The following ARRDC5 variants were observed in gnomAD, a reference collection of about 807,000 sequenced individuals.
ARRDC5 encodes arrestin domain containing 5, also known as arrestin domain-containing protein 5.
Under a neutral mutation model 13.3 loss-of-function variants are expected in ARRDC5, and 12 were observed. The observed-to-expected ratio is 0.90, with a 90% CI of 0.58 to 1.46. The LOEUF is 1.46. Ranked by LOEUF, ARRDC5 falls within the 40% of genes most tolerant of loss-of-function variation. ARRDC5 has a pLI of 0.00. For missense variants in ARRDC5, 406 were observed against 418.7 expected (o/e 0.97, Z 0.26); for synonymous variants, 181 against 173.4 (o/e 1.04, Z -0.34).
chr19:4,909,301 G>A, the ARRDC5 span: 6 of 542,086 alleles, frequency 1.1e-5, no homozygotes, highest in Admixed American at 3.9e-5. Flanking sequence ...CACGCTGGGC[G>A]CGCCCAGCAG....
upstream of ARRDC5, chr19:4,903,029 C>CTTTTTCACTCGTTCT (rs57469214): frequency 1.2e-3 from 524 of 448,996 alleles, 3 homozygotes; most frequent in African/African-American, 0.011. Flanking sequence ...CTCACTGGTT[C>CTTTTTCACTCGTTCT]TTTTTTTTTT....
intron 1 of ARRDC5, among the ~76,000 whole-genome samples, chr19:4,900,309 G>C (rs546033532): frequency 6.6e-6 from 1 of 151,634 alleles, no homozygotes; most frequent in African/African-American, 2.4e-5. Context: ...GTAGAGACGG[G>C]GTTTCACCAT....
At chr19:4,893,109 A>AATAT (rs199780403) in intron 2 of ARRDC5, among the ~76,000 whole-genome samples, 1 of 139,552 alleles carries the variant, frequency 7.2e-6, no homozygotes, top group Non-Finnish European at 1.5e-5. Context: ...CTCAAAAATA[A>AATAT]ATATATATAT....
chr19:4,910,723 C>G, the ARRDC5 span: 1 of 801,562 alleles, frequency 1.2e-6, no homozygotes, highest in Non-Finnish European at 1.9e-6. Context: ...CTGGTCCTGG[C>G]CAGGGTCTGG....
upstream of ARRDC5, among the ~76,000 whole-genome samples, chr19:4,904,696 T>C (rs2032029341): frequency 6.6e-6 from 1 of 152,224 alleles, no homozygotes; most frequent in South Asian, 2.1e-4. Context: ...GTGAACTTTG[T>C]GCCCATCAAT....
chr19:4,893,181 T>A (rs2031574223), intron 2 of ARRDC5, among the ~76,000 whole-genome samples: 1 of 141,444 alleles, frequency 7.1e-6, no homozygotes, highest in Admixed American at 7.8e-5. Context: ...ATATATAATA[T>A]ATTATAATAA....
Position 4,891,171 on chromosome 19 carries a change from G to A in ARRDC5, c.862C>T (p.Pro288Ser), listed in dbSNP as rs781375501. 3.7e-6 allele frequency: 6 copies of A among 1,613,876 alleles called. No homozygotes were observed. Among genetic ancestry groups the A allele is most frequent in the Non-Finnish European group, 5.1e-6 (6 of 1,179,906 alleles). Reference protein sequence around the residue: ...RYELVTTVHLPWSLTSLKAKV... With the variant: ...RYELVTTVHLSWSLTSLKAKV... The stretch of plus-strand genomic sequence containing the variant: ...GCCTTGAGGCTGGTCAGGGACCAGG[G>A]CAGGTGCACGGTGGTGACCAGCTCG... The change falls in exon 3 of 3, where the codon CCC becomes TCC. Residue 288 changes from proline (P) to serine (S), a missense_variant. Physicochemically the swap from Pro to Ser is moderately conservative, Grantham distance 74 (BLOSUM62 -1). Coordinates refer to ENST00000650722, the MANE Select transcript of ARRDC5 (RefSeq NM_001080523.3).
At chr19:4,907,838 G>A (rs549523821), upstream of ARRDC5, among the ~76,000 whole-genome samples, 175 of 149,640 alleles carry the variant, frequency 1.2e-3, no homozygotes, top group African/African-American at 4.0e-3. Context: ...TCAGCCTCCC[G>A]AGTAGCTGGG....
chr19:4,905,061 C>T (rs1047564993), upstream of ARRDC5, among the ~76,000 whole-genome samples: 4 of 149,982 alleles, frequency 2.7e-5, no homozygotes, highest in African/African-American at 9.8e-5. Context: ...CCACGGGCCA[C>T]ATTTGGCCCA....
intron 1 of ARRDC5, among the ~76,000 whole-genome samples, chr19:4,898,407 G>C (rs563115577): frequency 6.6e-6 from 1 of 152,062 alleles, no homozygotes; most frequent in South Asian, 2.1e-4. Context: ...TGTCACCCAG[G>C]CTGGAGTGCA....
At chr19:4,913,252 C>CTT in the ARRDC5 span, among the ~76,000 whole-genome samples, 16,117 of 111,126 alleles carry the variant, frequency 0.15, 2,401 homozygotes, top group African/African-American at 0.31. Context: ...GTACATTGTG[C>CTT]TTTTTTTTTT....
upstream of ARRDC5, among the ~76,000 whole-genome samples, chr19:4,906,285 T>C (rs1004378226): frequency 2.6e-5 from 4 of 152,160 alleles, no homozygotes; most frequent in Non-Finnish European, 4.4e-5. Flanking sequence ...AGCTGGACAA[T>C]TAACCTGAGC....
upstream of ARRDC5, among the ~76,000 whole-genome samples, chr19:4,906,128 C>G (rs1392623625): frequency 6.6e-6 from 1 of 152,082 alleles, no homozygotes; most frequent in African/African-American, 2.4e-5. Context: ...AGGTGCACAC[C>G]ACCATGCCTG....
the ARRDC5 span, among the ~76,000 whole-genome samples, chr19:4,908,115 C>G: frequency 6.6e-6 from 1 of 152,166 alleles, no homozygotes; most frequent in Admixed American, 6.6e-5. Context: ...GGACATTGTG[C>G]CCACCTGGAT....
At chr19:4,901,135 G>A (rs991763733) in intron 1 of ARRDC5, among the ~76,000 whole-genome samples, 3 of 151,128 alleles carry the variant, frequency 2.0e-5, no homozygotes, top group South Asian at 2.1e-4. Flanking sequence ...GCAAAACTCC[G>A]TCTCAAAAAA....
At chr19:4,909,348 C>T in the ARRDC5 span, 9 of 592,476 alleles carry the variant, frequency 1.5e-5, no homozygotes, top group Non-Finnish European at 2.7e-5. Context: ...GCCCACTAGG[C>T]GGAGGCGCCG....
upstream of ARRDC5, among the ~76,000 whole-genome samples, chr19:4,907,415 C>G (rs541764429): frequency 6.6e-6 from 1 of 151,422 alleles, no homozygotes; most frequent in Non-Finnish European, 1.5e-5. Flanking sequence ...ATTACAGGCG[C>G]CGGCCACCAC....
intron 1 of ARRDC5, among the ~76,000 whole-genome samples, chr19:4,898,627 G>T (rs2031810115): frequency 6.6e-6 from 1 of 150,554 alleles, no homozygotes; most frequent in African/African-American, 2.4e-5. Flanking sequence ...CTCCCAAAGG[G>T]CTGGGATTAC....
chr19:4,897,406 G>A (rs1432972204), intron 1 of ARRDC5, among the ~76,000 whole-genome samples: 1 of 152,142 alleles, frequency 6.6e-6, no homozygotes, highest in East Asian at 1.9e-4. Context: ...GATGCCCTGG[G>A]GTGGGTGACA....
Sources: allele counts gnomAD v4.1 joint callset (sites outside exome capture counted in the v4.1 genomes callset), GRCh38; gene constraint gnomAD v4.1.1; transcripts MANE v1.5; gene names NCBI Gene and HGNC (gene_info 2026-07-23, HGNC 2026-07-21).